Variants in CCDC40 observed in about 807,000 individuals in gnomAD.
The protein encoded by CCDC40 is coiled-coil domain 40 molecular ruler complex subunit.
CCDC40 carries 104 observed loss-of-function variants against 124.5 expected under a neutral mutation model. The observed-to-expected ratio is 0.84, with a 90% CI of 0.71 to 0.98. The LOEUF is 0.98. CCDC40 is among the 50% of genes least tolerant of loss of function. The pLI, the probability that CCDC40 is intolerant of heterozygous loss-of-function variation, is 0.00. For missense variants in CCDC40, 1,463 were observed against 1,503.9 expected (o/e 0.97, Z 0.45); for synonymous variants, 580 against 602.9 (o/e 0.96, Z 0.56).
Position 80,087,240 on chromosome 17 carries a change from C to T in CCDC40, c.2450-367C>T. 2.8e-6 allele frequency: 1 copy of T among 360,378 alleles called. No homozygotes were observed. Among genetic ancestry groups the T allele is most frequent in the Non-Finnish European group, 5.4e-6 (1 of 186,150 alleles). 22.3% of individuals were successfully genotyped at this position (360,378 alleles called of 1,614,324 possible). ...TAAGGGCCTCCCTCTCCTGGAGACTCACAGTGTCTGAGCATCAACCAGGTC... is the reference window on the plus strand; with the variant it reads ...TAAGGGCCTCCCTCTCCTGGAGACTTACAGTGTCTGAGCATCAACCAGGTC... On this transcript the variant is annotated intron_variant, in intron 14 of 19. Coordinates refer to ENST00000397545, the MANE Select transcript of CCDC40 (RefSeq NM_017950.4). This position sits in a 1 kb window ranked among gnomAD's most constrained non-coding sequence, Gnocchi z 4.5.
intron 2 of CCDC40, among the ~76,000 whole-genome samples, chr17:80,039,105 G>A (rs545515617): frequency 3.3e-5 from 5 of 152,130 alleles, no homozygotes; most frequent in East Asian, 3.9e-4. Flanking sequence ...GGTGGCTCAC[G>A]CCTGTGGTCC....
At chr17:80,048,952 G>A (rs1258445893) in intron 5 of CCDC40, among the ~76,000 whole-genome samples, 191 bp downstream of exon 5, 1 of 152,174 alleles carries the variant, frequency 6.6e-6, no homozygotes, top group South Asian at 2.1e-4. Flanking sequence ...GGTTGGTATA[G>A]GTGAGGCCTG....
In CCDC40 at chr17:80,099,821, G is replaced by A. The variant is rs749783030; in HGVS notation, c.*46G>A. 19 of 1,603,344 alleles carry A rather than the reference G, an allele frequency of 1.2e-5. No homozygotes were observed. The highest frequency in any genetic ancestry group is 1.6e-5 in the Non-Finnish European group (19 of 1,176,140). ...TTGCAAGGCCTCCAGGAAGAGATCC[G>A]GAATTGTGTTTGTCATGAGGGACTT... On this transcript the variant is annotated 3_prime_UTR_variant, in exon 20 of 20. Transcript: ENST00000397545.
intron 10 of CCDC40, among the ~76,000 whole-genome samples, chr17:80,076,663 C>T (rs1366089876): frequency 6.8e-6 from 1 of 146,936 alleles, no homozygotes; most frequent in Admixed American, 6.6e-5. Flanking sequence ...AACATCAATG[C>T]AAGACCCTCT....
rs1027329752 is a variant in CCDC40, at chr17:80,087,927, C to G, written c.2620-84C>G. The G allele has an allele frequency of 6.2e-6, 8 of 1,300,162 alleles. No individual in the cohort carries two copies. The African/African-American group carries it at 1.0e-4, about 17-fold the overall frequency. 80.5% of individuals were successfully genotyped at this position (1,300,162 alleles called of 1,614,324 possible). On this transcript the variant is annotated intron_variant, in intron 15 of 19. Coordinates refer to ENST00000397545, the MANE Select transcript of CCDC40 (RefSeq NM_017950.4). This position sits in a 1 kb window ranked among gnomAD's most constrained non-coding sequence, Gnocchi z 4.5. Reference sequence around the variant, plus strand: ...GAAATCCAGCCTGCAGCCCTGCCCTCGGTGCCGGGATAGAGGGCACCAGCC... The same window carrying G: ...GAAATCCAGCCTGCAGCCCTGCCCTGGGTGCCGGGATAGAGGGCACCAGCC...
chr17:80,069,781 AG>A (rs2038144304), intron 10 of CCDC40, among the ~76,000 whole-genome samples: 5 of 151,018 alleles, frequency 3.3e-5, no homozygotes, highest in African/African-American at 1.2e-4. Flanking sequence ...GAAAAAAAAG[AG>A]AGAGAGAGAG....
At chr17:80,093,138 T>C (rs2038749861) in intron 17 of CCDC40, among the ~76,000 whole-genome samples, 1 of 152,254 alleles carries the variant, frequency 6.6e-6, no homozygotes. Flanking sequence ...ACCAATGCCC[T>C]GCTGTCTTGA....
intron 9 of CCDC40, 63 bp from the exon 10 acceptor site, chr17:80,065,422 C>A (rs1221913176): frequency 1.9e-6 from 3 of 1,609,356 alleles, no homozygotes; most frequent in African/African-American, 2.7e-5. Flanking sequence ...CTCTGGTGTT[C>A]TTGGGCTTTG....
At chr17:80,067,472 G>A in intron 10 of CCDC40, 1 of 894,538 alleles carries the variant, frequency 1.1e-6, no homozygotes, top group South Asian at 1.4e-5. Context: ...CACACTCACT[G>A]TTCTGCACCT....
chr17:80,079,617 C>T (rs976656173), intron 10 of CCDC40, among the ~76,000 whole-genome samples: 2 of 152,092 alleles, frequency 1.3e-5, no homozygotes, highest in African/African-American at 2.4e-5. Flanking sequence ...AATATCCACA[C>T]ACATTAAAAA....
At chr17:80,046,966 C>G (rs1014983831) in intron 3 of CCDC40, among the ~76,000 whole-genome samples, 1 of 152,190 alleles carries the variant, frequency 6.6e-6, no homozygotes, top group African/African-American at 2.4e-5. Context: ...CCTCCTCAGC[C>G]TCCCAAGTAG....
intron 10 of CCDC40, among the ~76,000 whole-genome samples, chr17:80,073,646 A>G (rs1014309184): frequency 2.6e-5 from 4 of 152,114 alleles, no homozygotes; most frequent in Non-Finnish European, 4.4e-5. Context: ...TTAGGCCTAC[A>G]ATGGCCACTA....
intron 16 of CCDC40, chr17:80,088,327 C>G: frequency 1.8e-6 from 1 of 569,690 alleles, no homozygotes; most frequent in South Asian, 1.9e-5. Flanking sequence ...TCTCAGCTCA[C>G]TGCAACCTCT....
intron 7 of CCDC40, among the ~76,000 whole-genome samples, chr17:80,057,939 G>A (rs996982965): frequency 9.2e-5 from 14 of 151,938 alleles, no homozygotes; most frequent in African/African-American, 3.4e-4. Context: ...CTCGGGCCTT[G>A]GCCTCCTCTG....
At chr17:80,064,781 C>A (rs1325699327) in intron 9 of CCDC40, among the ~76,000 whole-genome samples, 1 of 151,946 alleles carries the variant, frequency 6.6e-6, no homozygotes, top group African/African-American at 2.4e-5. Context: ...GACCTGCCCA[C>A]CCCTGGCTGT....
intron 10 of CCDC40, among the ~76,000 whole-genome samples, chr17:80,070,151 T>C (rs2038153804): frequency 6.6e-6 from 1 of 152,192 alleles, no homozygotes; most frequent in Non-Finnish European, 1.5e-5. Context: ...GGTGTGGGCA[T>C]TGCCACAGTG....
At chr17:80,037,688 A>AAAAAAAAATATATATATAT in intron 1 of CCDC40, among the ~76,000 whole-genome samples, 7 of 45,678 alleles carry the variant, frequency 1.5e-4, no homozygotes, top group African/African-American at 4.1e-4. Flanking sequence ...TTTTTTAAAA[A>AAAAAAAAATATATATATAT]AGATATACAT....
intron 9 of CCDC40, among the ~76,000 whole-genome samples, 176 bp downstream of exon 9, chr17:80,059,156 G>A (rs1225087656): frequency 6.6e-6 from 1 of 152,184 alleles, no homozygotes; most frequent in African/African-American, 2.4e-5. Flanking sequence ...ATACTGACAG[G>A]TGGACAGCCC....
intron 9 of CCDC40, 66 bp downstream of exon 9, chr17:80,059,046 GTGGGTC>G: frequency 1.2e-5 from 19 of 1,603,254 alleles, no homozygotes; most frequent in Non-Finnish European, 1.6e-5. Flanking sequence ...CAGGGTGCTG[GTGGGTC>G]TACTAGACTG....
Sources: gnomAD v4.1 joint callset for allele counts (sites outside exome capture counted in the v4.1 genomes callset) on GRCh38, gnomAD v4.1.1 for gene constraint, Gnocchi (gnomAD v3.1) non-coding constraint, MANE v1.5 for transcripts, NCBI Gene and HGNC (gene_info 2026-07-23, HGNC 2026-07-21) for gene names.